MRM1: variants seen among roughly 807,000 people sequenced by gnomAD.
MRM1 encodes the protein rRNA methyltransferase 1, mitochondrial.
In MRM1, 24 loss-of-function variants were observed where a neutral mutation model predicts 25.0. The ratio of observed to expected loss-of-function variants is 0.96; its 90% CI spans 0.69 to 1.35. The LOEUF is 1.35. Among genes scored for constraint, MRM1 ranks in the 40% most tolerant of loss-of-function variants. The pLI, the probability that MRM1 is intolerant of heterozygous loss-of-function variation, is 0.00. For missense variants in MRM1, 431 were observed against 464.1 expected, an observed-to-expected ratio of 0.93 and a Z score of 0.65; for synonymous variants, 188 against 199.2, an observed-to-expected ratio of 0.94 and a Z score of 0.47.
Position 36,601,877 on chromosome 17 carries a change from G to C in MRM1, c.67G>C (p.Ala23Pro). 6.2e-7 allele frequency: 1 copy of C among 1,608,090 alleles called. No individual in the cohort carries two copies. Among genetic ancestry groups the C allele is most frequent in the Non-Finnish European group, 8.5e-7 (1 of 1,178,616 alleles). Residue 23 changes from alanine to proline, a missense_variant, in exon 1 of 5, where the codon GCA becomes CCA. Ala to Pro is a conservative substitution (Grantham distance 27, BLOSUM62 -1). Transcript: ENST00000614766. ...CCTCGTCACCCGTCATTTCTCCCATGCAGCGCGGCATGGGGAGCGGCCTGG... is the reference window on the plus strand; with the variant it reads ...CCTCGTCACCCGTCATTTCTCCCATCCAGCGCGGCATGGGGAGCGGCCTGG... Reference protein sequence around the residue: ...GRLVTRHFSHAARHGERPGGE... With the variant: ...GRLVTRHFSHPARHGERPGGE...
chr17:36,609,551 T>C (rs893975399), downstream of MRM1, among the ~76,000 whole-genome samples: 1 of 152,226 alleles, frequency 6.6e-6, no homozygotes, highest in Non-Finnish European at 1.5e-5. Context: ...ACTAGATGCC[T>C]GTAGCATGAC....
the MRM1 span, among the ~76,000 whole-genome samples, chr17:36,628,011 G>A: frequency 6.6e-6 from 1 of 152,102 alleles, no homozygotes; most frequent in Non-Finnish European, 1.5e-5. Flanking sequence ...GGCCTCCCTA[G>A]CTGTTATAGT....
At chr17:36,629,263 G>A in the MRM1 span, among the ~76,000 whole-genome samples, 1 of 152,166 alleles carries the variant, frequency 6.6e-6, no homozygotes, top group Admixed American at 6.5e-5. Flanking sequence ...GACTGCCCTC[G>A]CTGGATTCTA....
At chr17:36,618,169 C>A in the MRM1 span, among the ~76,000 whole-genome samples, 1 of 151,786 alleles carries the variant, frequency 6.6e-6, no homozygotes, top group Non-Finnish European at 1.5e-5. Context: ...CTTAAGGGGA[C>A]CTGGGAGTGG....
At chr17:36,630,423 C>T in the MRM1 span, among the ~76,000 whole-genome samples, 6 of 152,182 alleles carry the variant, frequency 3.9e-5, no homozygotes, top group Middle Eastern at 3.2e-3. Context: ...CTCTTTGTCT[C>T]GTCCGTTGTC....
Position 36,602,446 on chromosome 17 carries a change from T to TA in MRM1, c.542+95dup. On this transcript the variant is annotated intron_variant, in intron 1 of 4. Coordinates refer to ENST00000614766, the MANE Select transcript of MRM1 (RefSeq NM_024864.5). This position sits in a 1 kb window ranked among gnomAD's most constrained non-coding sequence, Gnocchi z 4.1. ...CCTTGGGTGATCCCTTAGCCAGACT[T>TA]ACCTGTCCCAGAACTCTCATCCCCC... 1 of 1,579,306 alleles carries TA rather than the reference T, an allele frequency of 6.3e-7. No individual in the cohort carries two copies. Among genetic ancestry groups the TA allele is most frequent in the Non-Finnish European group, 8.6e-7 (1 of 1,159,228 alleles).
the MRM1 span, among the ~76,000 whole-genome samples, chr17:36,620,912 C>G: frequency 1.3e-5 from 2 of 152,184 alleles, no homozygotes; most frequent in Admixed American, 1.3e-4. Context: ...CATCGCCTGC[C>G]AGGTGCTGCT....
chr17:36,632,600 T>TCC, the MRM1 span, among the ~76,000 whole-genome samples: 4 of 151,442 alleles, frequency 2.6e-5, no homozygotes, highest in Non-Finnish European at 5.9e-5. Context: ...AATTTTGTGC[T>TCC]CCCCCCCACT....
the MRM1 span, among the ~76,000 whole-genome samples, chr17:36,621,510 T>C: frequency 2.9e-3 from 448 of 152,278 alleles, 1 homozygote; most frequent in African/African-American, 9.8e-3. Flanking sequence ...CCAGTCCCTC[T>C]CAGCCCTGCA....
At position 36,608,673 on chromosome 17, in the gene MRM1, T is replaced by A. The variant is rs1023676864; in HGVS notation, c.*258T>A. ...GATGGCCTAGCATGGAGGGAATCTG[T>A]TCCCAGGCCCTGCCTGGAAGTTGAG... On this transcript the variant is annotated 3_prime_UTR_variant, in exon 5 of 5. Transcript: ENST00000614766. 2 of 384,912 alleles carry A rather than the reference T, an allele frequency of 5.2e-6. No homozygotes were observed. Among genetic ancestry groups the A allele is most frequent in the Non-Finnish European group, 9.2e-6 (2 of 217,456 alleles). The allele number at this position is 384,912 out of a possible 1,614,324, so 23.8% of individuals were successfully genotyped here.
chr17:36,617,338 G>C, the MRM1 span, among the ~76,000 whole-genome samples: 1 of 151,942 alleles, frequency 6.6e-6, no homozygotes, highest in Admixed American at 6.5e-5. Context: ...GGAGGCTTGA[G>C]AGATGATGCC....
At chr17:36,626,561 C>T in the MRM1 span, among the ~76,000 whole-genome samples, 1 of 152,070 alleles carries the variant, frequency 6.6e-6, no homozygotes, top group Non-Finnish European at 1.5e-5. Context: ...TGGGTTTCAC[C>T]ATGTTGACAG....
chr17:36,629,460 C>T, the MRM1 span, among the ~76,000 whole-genome samples: 1 of 152,178 alleles, frequency 6.6e-6, no homozygotes, highest in Non-Finnish European at 1.5e-5. Flanking sequence ...CACTAGATGG[C>T]GCTCTGACAT....
downstream of MRM1, among the ~76,000 whole-genome samples, chr17:36,611,276 C>G (rs1450771657): frequency 2.6e-5 from 4 of 152,210 alleles, no homozygotes; most frequent in Non-Finnish European, 1.5e-5. Flanking sequence ...TCATCTGTCC[C>G]TCAGGTTCCG....
chr17:36,603,724 T>C (rs928006546), intron 2 of MRM1, among the ~76,000 whole-genome samples: 6 of 152,206 alleles, frequency 3.9e-5, no homozygotes, highest in African/African-American at 1.4e-4. Flanking sequence ...TAATGAAATA[T>C]TTTACATTCC....
the MRM1 span, among the ~76,000 whole-genome samples, chr17:36,630,473 C>T: frequency 2.5e-4 from 38 of 152,174 alleles, no homozygotes; most frequent in Non-Finnish European, 4.3e-4. Context: ...AAGGAAATCC[C>T]CAGCACTTGC....
downstream of MRM1, among the ~76,000 whole-genome samples, chr17:36,613,842 A>G (rs150560930): frequency 6.6e-6 from 1 of 151,858 alleles, no homozygotes; most frequent in African/African-American, 2.4e-5. Flanking sequence ...GAAGTCCGGT[A>G]CCAAAAGCAG....
At chr17:36,630,427 C>A in the MRM1 span, among the ~76,000 whole-genome samples, 1 of 152,154 alleles carries the variant, frequency 6.6e-6, no homozygotes, top group Non-Finnish European at 1.5e-5. Context: ...TTGTCTCGTC[C>A]GTTGTCTGGG....
intron 2 of MRM1, chr17:36,603,153 T>A: frequency 1.0e-6 from 1 of 984,874 alleles, no homozygotes; most frequent in Non-Finnish European, 1.2e-6. Flanking sequence ...GCATATGGAA[T>A]CCCCTCTGAC....
Sources: gnomAD v4.1 joint callset for allele counts (sites outside exome capture counted in the v4.1 genomes callset) on GRCh38, gnomAD v4.1.1 for gene constraint, Gnocchi (gnomAD v3.1) non-coding constraint, MANE v1.5 for transcripts, NCBI Gene and HGNC (gene_info 2026-07-23, HGNC 2026-07-21) for gene names.